The following RUSC2 variants were observed in gnomAD, a reference collection of about 807,000 sequenced individuals.
The protein encoded by RUSC2 is RUN and SH3 domain containing 2.
RUSC2 carries 34 observed loss-of-function variants against 122.2 expected under a neutral mutation model. The observed-to-expected ratio is 0.28, with a 90% CI of 0.21 to 0.37. The LOEUF (loss-of-function observed/expected upper bound fraction) is 0.37, where lower values mean the gene tolerates loss of function less well. RUSC2 is among the 10% of genes least tolerant of loss of function. The pLI is 1.00. For synonymous variants in RUSC2, 784 were observed against 790.0 expected (o/e 0.99, Z 0.13); for missense variants, 1,747 against 1,952.4 (o/e 0.89, Z 1.98).
At chr9:35,524,207 C>T (rs1299257803) in intron 1 of RUSC2, among the ~76,000 whole-genome samples, 1 of 151,712 alleles carries the variant, frequency 6.6e-6, no homozygotes, top group East Asian at 2.0e-4. Flanking sequence ...CCTGTAATCC[C>T]AGCACCTCAG....
rs1339450926 is a variant in RUSC2, at chr9:35,558,492, A to G, written c.3266A>G (p.Tyr1089Cys). ...TCCACCAAGGTCCTGCATGGCCTCT[A>G]CAACAAAGTCAGCCAATTCCCAGAG... ...GPSTKVLHGL[Y>C]NKVSQFPELT... Residue 1089 changes from tyrosine (Y) to cysteine (C), a missense_variant, in exon 8 of 12, where the codon TAC becomes TGC. Physicochemically the swap from Tyr to Cys is radical, Grantham distance 194 (BLOSUM62 -2). Transcript: ENST00000361226. The surrounding 1 kb of genome is among the most constrained non-coding windows in gnomAD (Gnocchi z 4.3). The G allele has an allele frequency of 2.5e-6, 4 of 1,614,072 alleles. No homozygotes were observed. The highest frequency in any genetic ancestry group is 1.7e-5 in the Admixed American group (1 of 60,002).
At chr9:35,556,261 C>T in intron 4 of RUSC2, 47 bp from the exon 5 acceptor site, 1 of 1,608,542 alleles carries the variant, frequency 6.2e-7, no homozygotes, top group Non-Finnish European at 8.5e-7. Context: ...TGGCCTGGAA[C>T]TCCTGCACTG....
Position 35,547,209 on chromosome 9 carries a change from A to G in RUSC2, c.688A>G (p.Lys230Glu). ...TSGFSFDQEW[K>E]LSSDESPRNP... ...TGGCTTTTCCTTTGACCAGGAATGG[A>G]AGCTCAGTTCAGATGAATCCCCAAG... The change falls in exon 2 of 12, where the codon AAG (lysine) becomes GAG (glutamate). Residue 230 changes from lysine to glutamate, a missense_variant. Transcript: ENST00000361226. This position sits in a 1 kb window ranked among gnomAD's most constrained non-coding sequence, Gnocchi z 4.6. 6.2e-7 allele frequency: 1 copy of G among 1,614,126 alleles called. No homozygotes were observed. The highest frequency in any genetic ancestry group is 8.5e-7 in the Non-Finnish European group (1 of 1,180,012).
At chr9:35,527,986 TC>T (rs1821353636) in intron 1 of RUSC2, among the ~76,000 whole-genome samples, 1 of 152,200 alleles carries the variant, frequency 6.6e-6, no homozygotes, top group African/African-American at 2.4e-5. Flanking sequence ...ACCCTGGTTC[TC>T]CCCCTTGCTT....
At chr9:35,510,234 G>A (rs1190618944) in intron 1 of RUSC2, among the ~76,000 whole-genome samples, 2 of 152,148 alleles carry the variant, frequency 1.3e-5, no homozygotes, top group African/African-American at 4.8e-5. Flanking sequence ...AATTGGCTGG[G>A]CATATGGTGG....
chr9:35,541,951 A>G (rs1453690657), intron 1 of RUSC2, among the ~76,000 whole-genome samples: 1 of 150,304 alleles, frequency 6.7e-6, no homozygotes, highest in Non-Finnish European at 1.5e-5. Context: ...AATTTTATAA[A>G]TATAAAAATA....
intron 1 of RUSC2, among the ~76,000 whole-genome samples, chr9:35,540,015 A>G (rs892370095): frequency 2.0e-5 from 3 of 152,178 alleles, no homozygotes; most frequent in Non-Finnish European, 4.4e-5. Context: ...CTGATGACCA[A>G]AGCTAGAGGA....
chr9:35,526,618 C>T (rs1272749331), intron 1 of RUSC2, among the ~76,000 whole-genome samples: 1 of 152,158 alleles, frequency 6.6e-6, no homozygotes, highest in Non-Finnish European at 1.5e-5. Context: ...GTATTGCATT[C>T]AGATTTTACT....
chr9:35,494,725 C>A (rs1820642188), intron 1 of RUSC2, among the ~76,000 whole-genome samples: 1 of 151,174 alleles, frequency 6.6e-6, no homozygotes. Context: ...AATATTTTCT[C>A]CTATTCCATG....
In RUSC2 at chr9:35,546,535, C is replaced by A. The variant is rs749727740; in HGVS notation, c.14C>A (p.Pro5Gln). Reference sequence around the variant, plus strand: ...GAACTTTCCAGAATGGATAGTCCCCCAAAGCTGACTGGAGAGACCCTCATC... The same window carrying A: ...GAACTTTCCAGAATGGATAGTCCCCAAAAGCTGACTGGAGAGACCCTCATC... MDSP[P>Q]KLTGETLIVH... Residue 5 changes from proline (P) to glutamine (Q), a missense_variant, in exon 2 of 12, where the codon CCA (proline) becomes CAA (glutamine). Pro to Gln is a moderately conservative substitution (Grantham distance 76). Coordinates refer to ENST00000361226, the MANE Select transcript of RUSC2 (RefSeq NM_014806.5). The surrounding 1 kb of genome is among the most constrained non-coding windows in gnomAD (Gnocchi z 4.3). 5 of 1,462,242 alleles carry A rather than the reference C, an allele frequency of 3.4e-6. No individual in the cohort carries two copies. Among genetic ancestry groups the A allele is most frequent in the Non-Finnish European group, 4.5e-6 (5 of 1,105,310 alleles). 90.6% of individuals were successfully genotyped at this position (1,462,242 alleles called of 1,614,324 possible).
chr9:35,496,466 C>T (rs1820715892), intron 1 of RUSC2, among the ~76,000 whole-genome samples: 2 of 152,180 alleles, frequency 1.3e-5, no homozygotes, highest in African/African-American at 2.4e-5. Flanking sequence ...ACTTATCCCG[C>T]TCTATCAAGC....
At chr9:35,561,160 C>T in intron 11 of RUSC2, 21 bp from the exon 12 acceptor site, 6 of 1,613,646 alleles carry the variant, frequency 3.7e-6, no homozygotes, top group Non-Finnish European at 5.1e-6. Flanking sequence ...TTTCTCTGAC[C>T]TCCATGTGCT....
At position 35,558,596 on chromosome 9, in the gene RUSC2, AAAC is replaced by A; in HGVS notation, c.3341+33_3341+35del. ...AGTGCACAGAGCAGCAAGATCCCCT[AAAC>A]AACTTGCCCTGCCCCCCACCCCCGG... is the stretch of plus-strand genomic sequence containing the variant. On this transcript the variant is annotated intron_variant, in intron 8 of 11. Coordinates refer to ENST00000361226, the MANE Select transcript of RUSC2 (RefSeq NM_014806.5). This position sits in a 1 kb window ranked among gnomAD's most constrained non-coding sequence, Gnocchi z 4.3. 6.4e-7 allele frequency: 1 copy of A among 1,567,354 alleles called. No homozygotes were observed. Among genetic ancestry groups the A allele is most frequent in the Non-Finnish European group, 8.8e-7 (1 of 1,137,702 alleles).
Position 35,548,017 on chromosome 9 carries a change from A to G in RUSC2, c.1496A>G (p.Tyr499Cys). 3 of 1,613,904 alleles carry G rather than the reference A, an allele frequency of 1.9e-6. No individual in the cohort carries two copies. The highest frequency in any genetic ancestry group is 4.5e-5 in the East Asian group (2 of 44,872). ...ACTGGACGTCAGCGCTCCCGCAGCTATGATCGCAGCCTGCAGCGCAGCCCT... is the reference window on the plus strand; with the variant it reads ...ACTGGACGTCAGCGCTCCCGCAGCTGTGATCGCAGCCTGCAGCGCAGCCCT... The part of the protein sequence containing the change: ...LSTGRQRSRS[Y>C]DRSLQRSPPV... The change falls in exon 2 of 12, where the codon TAT (tyrosine) becomes TGT (cysteine). Residue 499 changes from tyrosine to cysteine, a missense_variant. Transcript: ENST00000361226. The surrounding 1 kb of genome is among the most constrained non-coding windows in gnomAD (Gnocchi z 4.5).
Position 35,558,161 on chromosome 9 carries a change from G to C in RUSC2, c.3061-36G>C, listed in dbSNP as rs758440860. ...CTACGAGAGGACCACAGTCAGGCCT[G>C]AGGGGGTTTCCTGCACTTCCCTACC... On this transcript the variant is annotated intron_variant, in intron 6 of 11. Transcript: ENST00000361226. The surrounding 1 kb of genome is among the most constrained non-coding windows in gnomAD (Gnocchi z 4.3). 14 of 1,605,712 alleles carry C rather than the reference G, an allele frequency of 8.7e-6. No individual in the cohort carries two copies. The highest frequency in any genetic ancestry group is 2.7e-5 in the African/African-American group (2 of 74,844).
chr9:35,561,421 C>A lies in RUSC2; in HGVS notation c.*39C>A. On this transcript the variant is annotated 3_prime_UTR_variant, in exon 12 of 12. Coordinates refer to ENST00000361226, the MANE Select transcript of RUSC2 (RefSeq NM_014806.5). ...CTGGTGGCCTCAGGGACCCTCATAA[C>A]CCCCAGACTCAGAGCCCGAGAGCCC... The A allele has an allele frequency of 2.0e-6, 3 of 1,525,108 alleles. No homozygotes were observed. Among genetic ancestry groups the A allele is most frequent in the Non-Finnish European group, 2.7e-6 (3 of 1,123,692 alleles). 94.5% of individuals were successfully genotyped at this position (1,525,108 alleles called of 1,614,324 possible).
At chr9:35,494,423 C>G (rs10814243) in intron 1 of RUSC2, among the ~76,000 whole-genome samples, 26,209 of 151,982 alleles carry the variant, frequency 0.17, 2,422 homozygotes, top group Admixed American at 0.26. Context: ...GAGCTCATGC[C>G]CCTGCACTCC....
chr9:35,530,667 T>G (rs1159625779), intron 1 of RUSC2, among the ~76,000 whole-genome samples: 1 of 151,966 alleles, frequency 6.6e-6, no homozygotes, highest in African/African-American at 2.4e-5. Context: ...TGAGACTGGG[T>G]CTCACTCTGT....
rs1265094764 is a variant in RUSC2, at chr9:35,498,123, C to T, written c.-93+7951C>T. 3.3e-5 allele frequency among the ~76,000 whole-genome samples: 5 copies of T among 150,566 alleles called. No individual in the cohort carries two copies. In the South Asian group the frequency reaches 6.3e-4, roughly 19 times the overall value. On this transcript the variant is annotated intron_variant, in intron 1 of 11. Coordinates refer to ENST00000361226, the MANE Select transcript of RUSC2 (RefSeq NM_014806.5). ...CTTTAGGGTGTTCTCCATACAAGAT[C>T]GTGTAACCTTGGAACAGAGATAATT...
Sources: gnomAD v4.1 joint callset for allele counts (sites outside exome capture counted in the v4.1 genomes callset) on GRCh38, gnomAD v4.1.1 for gene constraint, Gnocchi (gnomAD v3.1) non-coding constraint, MANE v1.5 for transcripts, NCBI Gene and HGNC (gene_info 2026-07-23, HGNC 2026-07-21) for gene names.